Variants in COG2 observed in about 807,000 individuals in gnomAD.
COG2 encodes component of oligomeric golgi complex 2.
A neutral mutation model predicts 90.6 loss-of-function variants in COG2; 52 were observed. That is an observed-to-expected ratio of 0.57 (90% CI 0.46 to 0.72). COG2 has a LOEUF of 0.72. Among genes scored for constraint, COG2 ranks in the 30% least tolerant of loss-of-function variants. The probability of loss-of-function intolerance (pLI) is 0.00; values close to 1 mark genes in which losing one functional copy is unlikely to be tolerated. For missense variants in COG2, 829 were observed against 891.2 expected (o/e 0.93, Z 0.89); for synonymous variants, 337 against 320.4 (o/e 1.05, Z -0.55).
chr1:230,670,827 A>G (rs1662430533), intron 7 of COG2: 1 of 152,084 alleles, frequency 6.6e-6, no homozygotes, highest in African/African-American at 2.4e-5. Flanking sequence ...TGTCCAAACT[A>G]ATCTTGAACT....
chr1:230,642,547 T>A lies in COG2; in HGVS notation c.-60T>A. The A allele has an allele frequency of 6.5e-7, 1 of 1,546,822 alleles. No individual in the cohort carries two copies. The highest frequency in any genetic ancestry group is 8.8e-7 in the Non-Finnish European group (1 of 1,135,656). Reference sequence around the variant, plus strand: ...GGTGGCCGCGGCCGCCGAGTCGGTCTGCGCAGCCTCCTGCGTTTTCTCGCT... The same window carrying A: ...GGTGGCCGCGGCCGCCGAGTCGGTCAGCGCAGCCTCCTGCGTTTTCTCGCT... On this transcript the variant is annotated 5_prime_UTR_variant, in exon 1 of 18. Transcript: ENST00000366669.
Position 230,668,693 on chromosome 1 carries a change from A to G in COG2, c.503A>G (p.Gln168Arg). The change falls in exon 6 of 18, where the codon CAA becomes CGA. Residue 168 changes from glutamine (Q) to arginine (R), a missense_variant. Gln to Arg is a conservative substitution (Grantham distance 43). Coordinates refer to ENST00000366669, the MANE Select transcript of COG2 (RefSeq NM_007357.3). ...TCTACTAGCCCCCTTTTGACTGGAC[A>G]AATTTTGGAGAGAATTGCCACAGAA... ...LEASSPLLTG[Q>R]ILERIATEFN... The G allele has an allele frequency of 6.2e-7, 1 of 1,611,648 alleles. No homozygotes were observed. Among genetic ancestry groups the G allele is most frequent in the Non-Finnish European group, 8.5e-7 (1 of 1,178,676 alleles).
intron 7 of COG2, chr1:230,670,224 A>G (rs1662416352): frequency 1.3e-5 from 2 of 152,378 alleles, no homozygotes; most frequent in Admixed American, 6.5e-5. Flanking sequence ...AGATTGTGCC[A>G]TATAAAGTTG....
In COG2 at chr1:230,642,514, A is replaced by T; in HGVS notation, c.-93A>T. 7.7e-7 allele frequency: 1 copy of T among 1,301,912 alleles called. No individual in the cohort carries two copies. The highest frequency in any genetic ancestry group is 1.3e-5 in the South Asian group (1 of 75,602). 80.6% of individuals were successfully genotyped at this position (1,301,912 alleles called of 1,614,324 possible). A position where few individuals can be genotyped will look rare whatever the true frequency, so the allele number is the denominator to read the frequency against. ...GGAAGCGGACCCCCCTGTGCCGTGGAAACTGGCGGTGGCCGCGGCCGCCGA... is the reference window on the plus strand; with the variant it reads ...GGAAGCGGACCCCCCTGTGCCGTGGTAACTGGCGGTGGCCGCGGCCGCCGA... On this transcript the variant is annotated 5_prime_UTR_variant, in exon 1 of 18. The change creates a premature stop within an existing upstream ORF in the 5' untranslated region. Coordinates refer to ENST00000366669, the MANE Select transcript of COG2 (RefSeq NM_007357.3).
rs186301124 is a variant in COG2 at position 230,654,461 on chromosome 1, A to G, written c.73-5003A>G. Among the ~76,000 whole-genome samples the G allele has an allele frequency of 2.9e-3, 438 of 152,068 alleles. 11 individuals carry two copies. Among genetic ancestry groups the G allele is most frequent in the Admixed American group, 0.027 (408 of 15,270 alleles). On this transcript the variant is annotated intron_variant, in intron 1 of 17. Coordinates refer to ENST00000366669, the MANE Select transcript of COG2 (RefSeq NM_007357.3). ...TTTCTGAGTCCTCTGTTCTGTTCCA[A>G]TGGTCTATATATATCTGTTTTCATA...
intron 7 of COG2, 77 bp downstream of exon 7, chr1:230,669,612 A>G: frequency 7.7e-7 from 1 of 1,292,036 alleles, no homozygotes; most frequent in Non-Finnish European, 1.1e-6. Flanking sequence ...GAGGAAGATA[A>G]GAAGAGAGAA....
intron 1 of COG2, among the ~76,000 whole-genome samples, chr1:230,653,221 GT>G (rs112155610): frequency 0.054 from 7,400 of 137,810 alleles, 162 homozygotes; most frequent in Middle Eastern, 0.087. Flanking sequence ...TTCATTTTTT[GT>G]TTTTTTTTTT....
intron 5 of COG2, among the ~76,000 whole-genome samples, chr1:230,668,197 G>C (rs930415457): frequency 2.6e-5 from 4 of 151,884 alleles, no homozygotes; most frequent in Non-Finnish European, 5.9e-5. Flanking sequence ...AGGCAGAGAA[G>C]TAGAAAGGAT....
chr1:230,669,106 C>T (rs1287562288), intron 6 of COG2: 7 of 452,322 alleles, frequency 1.5e-5, no homozygotes, highest in South Asian at 5.5e-5. Context: ...AGATTGACTT[C>T]GTAGCTTAAG....
In COG2 at chr1:230,662,060, C is replaced by T. The variant is rs536681144; in HGVS notation, c.301-1081C>T. Among the ~76,000 whole-genome samples the T allele has an allele frequency of 8.5e-5, 13 of 152,198 alleles. No homozygotes were observed. In the South Asian group the frequency reaches 2.3e-3, roughly 27 times the overall value. On this transcript the variant is annotated intron_variant, in intron 3 of 17. Transcript: ENST00000366669. ...CCTCTCCTCTCCTCTTCTCTCCTCTCCAAATTCTCTCCCATGGAGGTGGAT... is the reference window on the plus strand; with the variant it reads ...CCTCTCCTCTCCTCTTCTCTCCTCTTCAAATTCTCTCCCATGGAGGTGGAT...
At chr1:230,660,699 A>T (rs1334500553) in intron 2 of COG2, 59 bp from the exon 3 acceptor site, 2 of 1,178,470 alleles carry the variant, frequency 1.7e-6, no homozygotes, top group Non-Finnish European at 2.4e-6. Flanking sequence ...CATTAAATGG[A>T]TACTTAGCTG....
intron 5 of COG2, among the ~76,000 whole-genome samples, chr1:230,668,179 A>C (rs1433173301): frequency 6.6e-6 from 1 of 152,042 alleles, no homozygotes; most frequent in Non-Finnish European, 1.5e-5. Context: ...TAGCAAGGAG[A>C]GTGAGGCAGG....
Position 230,642,536 on chromosome 1 carries a change from C to T in COG2, c.-71C>T. On this transcript the variant is annotated 5_prime_UTR_variant, in exon 1 of 18. Coordinates refer to ENST00000366669, the MANE Select transcript of COG2 (RefSeq NM_007357.3). ...TGGAAACTGGCGGTGGCCGCGGCCG[C>T]CGAGTCGGTCTGCGCAGCCTCCTGC... 2 of 1,497,918 alleles carry T rather than the reference C, an allele frequency of 1.3e-6. No individual in the cohort carries two copies. Among genetic ancestry groups the T allele is most frequent in the Non-Finnish European group, 1.8e-6 (2 of 1,097,876 alleles). The allele number at this position is 1,497,918 out of a possible 1,614,324, so 92.8% of individuals were successfully genotyped here.
At chr1:230,663,515 C>T (rs897788858) in intron 4 of COG2, among the ~76,000 whole-genome samples, 1 of 152,152 alleles carries the variant, frequency 6.6e-6, no homozygotes, top group South Asian at 2.1e-4. Flanking sequence ...CTTTAGATCC[C>T]TTCTCAGCTT....
At chr1:230,686,895 G>T in intron 12 of COG2, 40 bp from the exon 13 acceptor site, 6 of 1,298,746 alleles carry the variant, frequency 4.6e-6, no homozygotes, top group Non-Finnish European at 6.4e-6. Flanking sequence ...CATGTATCTT[G>T]CTAGTGTGAA....
At chr1:230,691,298 C>CT (rs1014066681) in intron 16 of COG2, 86 bp from the exon 17 acceptor site, 6 of 1,214,516 alleles carry the variant, frequency 4.9e-6, no homozygotes, top group Admixed American at 3.2e-5. Flanking sequence ...TTAAAAATCT[C>CT]TTTTTTTGGT....
chr1:230,660,933 G>C, intron 3 of COG2, 110 bp downstream of exon 3: 6 of 623,388 alleles, frequency 9.6e-6, no homozygotes, highest in Non-Finnish European at 1.3e-5. Context: ...TTTGTTTTTT[G>C]AATGTTTAGT....
chr1:230,663,040 T>G (rs1276332097), intron 3 of COG2, 101 bp from the exon 4 acceptor site: 1 of 782,048 alleles, frequency 1.3e-6, no homozygotes, highest in African/African-American at 1.8e-5. Context: ...TGTGTAATAC[T>G]GGCCTGTAGG....
chr1:230,673,840 A>G (rs772867169), intron 8 of COG2, among the ~76,000 whole-genome samples: 4 of 152,182 alleles, frequency 2.6e-5, no homozygotes, highest in Middle Eastern at 3.2e-3. Flanking sequence ...CAGTGAAGCA[A>G]AGCTTCCTTG....
Sources: gnomAD v4.1 joint callset for allele counts (sites outside exome capture counted in the v4.1 genomes callset) on GRCh38, gnomAD v4.1.1 for gene constraint, MANE v1.5 for transcripts, NCBI Gene and HGNC (gene_info 2026-07-23, HGNC 2026-07-21) for gene names.